PIK3CA: variants seen among roughly 807,000 people sequenced by gnomAD.
The protein encoded by PIK3CA is phosphatidylinositol 4,5-bisphosphate 3-kinase catalytic subunit alpha isoform.
In PIK3CA, 27 loss-of-function variants were observed where a neutral mutation model predicts 138.2. That is an observed-to-expected ratio of 0.20 (90% CI 0.14 to 0.27). The LOEUF (loss-of-function observed/expected upper bound fraction) is 0.27. Ranked by LOEUF, PIK3CA falls within the 10% of genes least tolerant of loss-of-function variation. PIK3CA has a pLI of 1.00. For synonymous variants in PIK3CA, 358 were observed against 413.2 expected (o/e 0.87, Z 1.62); for missense variants, 544 against 1,277.4 (o/e 0.43, Z 8.75).
rs760703918 is a variant in PIK3CA at position 179,219,321 on chromosome 3, G to T, written c.1746+44G>T. On this transcript the variant is annotated intron_variant, in intron 11 of 20. Coordinates refer to ENST00000263967, the MANE Select transcript of PIK3CA (RefSeq NM_006218.4). The surrounding 1 kb of genome is among the most constrained non-coding windows in gnomAD (Gnocchi z 4.2). ...TTACTAGATAACTGTTGTACAAATT[G>T]GTATGTCACTTAAATTGTTTTCTCT... 6.2e-6 allele frequency: 7 copies of T among 1,123,326 alleles called. No individual in the cohort carries two copies. 69.6% of individuals were successfully genotyped at this position (1,123,326 alleles called of 1,614,324 possible). A position where few individuals can be genotyped will look rare whatever the true frequency, so the allele number is the denominator to read the frequency against.
In PIK3CA at chr3:179,238,357, A is replaced by C. The variant is rs116128156; in HGVS notation, c.*3993A>C. 1,331 of 215,136 alleles carry C rather than the reference A, an allele frequency of 6.2e-3. 30 individuals carry two copies. The South Asian group carries it at 0.064, about 10-fold the overall frequency. 13.3% of individuals were successfully genotyped at this position (215,136 alleles called of 1,614,324 possible). On this transcript the variant is annotated 3_prime_UTR_variant, in exon 21 of 21. Coordinates refer to ENST00000263967, the MANE Select transcript of PIK3CA (RefSeq NM_006218.4). ...TACATTAAAAATTGTAAATATATCT[A>C]TGTGCCATGGCCTGGGAAGCCTGCT... is the stretch of plus-strand genomic sequence containing the variant.
At chr3:179,187,058 A>T (rs1280487405) in intron 1 of PIK3CA, among the ~76,000 whole-genome samples, 1 of 151,986 alleles carries the variant, frequency 6.6e-6, no homozygotes, top group Non-Finnish European at 1.5e-5. Context: ...TCCTAATTTA[A>T]AAAATTACCC....
chr3:179,175,088 T>A (rs1723662600), intron 1 of PIK3CA, among the ~76,000 whole-genome samples: 1 of 152,208 alleles, frequency 6.6e-6, no homozygotes, highest in African/African-American at 2.4e-5. Flanking sequence ...CTACACCTGC[T>A]TCCTGTGTTG....
At chr3:179,163,005 C>T (rs938945641) in intron 1 of PIK3CA, among the ~76,000 whole-genome samples, 3 of 151,914 alleles carry the variant, frequency 2.0e-5, no homozygotes, top group African/African-American at 7.3e-5. Context: ...ATATACAATA[C>T]AATTAGAGTA....
chr3:179,179,970 C>G (rs1723800560), intron 1 of PIK3CA, among the ~76,000 whole-genome samples: 2 of 151,112 alleles, frequency 1.3e-5, no homozygotes, highest in East Asian at 1.9e-4. Flanking sequence ...AGCATATTTA[C>G]AAAGGCAAAA....
chr3:179,175,961 GCT>G (rs1248779958), intron 1 of PIK3CA, among the ~76,000 whole-genome samples: 1 of 152,112 alleles, frequency 6.6e-6, no homozygotes, highest in African/African-American at 2.4e-5. Flanking sequence ...TGAAGTCAGA[GCT>G]CTTGTCTATT....
chr3:179,211,335 G>T (rs1307678787), intron 9 of PIK3CA, among the ~76,000 whole-genome samples: 1 of 152,128 alleles, frequency 6.6e-6, no homozygotes, highest in Non-Finnish European at 1.5e-5. Flanking sequence ...GCCACCTCCT[G>T]TTGCTATTGT....
chr3:179,153,788 C>T (rs1157867669), intron 1 of PIK3CA, among the ~76,000 whole-genome samples: 3 of 147,922 alleles, frequency 2.0e-5, no homozygotes, highest in African/African-American at 5.1e-5. Context: ...GTAACTTATT[C>T]GAAAGAAATA....
chr3:179,194,186 CAT>C, intron 1 of PIK3CA, among the ~76,000 whole-genome samples: 1 of 152,246 alleles, frequency 6.6e-6, no homozygotes, highest in East Asian at 1.9e-4. Flanking sequence ...TTAAAAGCAT[CAT>C]GTCATTTTTA....
At chr3:179,184,950 C>G (rs1420972131) in intron 1 of PIK3CA, among the ~76,000 whole-genome samples, 1 of 152,168 alleles carries the variant, frequency 6.6e-6, no homozygotes, top group Non-Finnish European at 1.5e-5. Context: ...AGGGATAGTA[C>G]TTGAATACAA....
chr3:179,224,879 A>G (rs1334870897), intron 16 of PIK3CA, 58 bp downstream of exon 16: 1 of 1,270,072 alleles, frequency 7.9e-7, no homozygotes, highest in Admixed American at 1.9e-5. Flanking sequence ...TTTTATACAC[A>G]GGATATTTAT....
At chr3:179,179,265 A>C (rs573193181) in intron 1 of PIK3CA, among the ~76,000 whole-genome samples, 2 of 152,384 alleles carry the variant, frequency 1.3e-5, no homozygotes, top group African/African-American at 4.8e-5. Flanking sequence ...AAATTGTATA[A>C]ACAAGCTGTA....
intron 1 of PIK3CA, among the ~76,000 whole-genome samples, chr3:179,180,157 A>G (rs1723805645): frequency 6.6e-6 from 1 of 152,170 alleles, no homozygotes; most frequent in Non-Finnish European, 1.5e-5. Flanking sequence ...GTTTTTAGAT[A>G]GCCAATTCTA....
intron 6 of PIK3CA, among the ~76,000 whole-genome samples, chr3:179,205,434 A>T (rs1235957555): frequency 6.6e-6 from 1 of 152,162 alleles, no homozygotes; most frequent in Admixed American, 6.5e-5. Context: ...CATTCCCCAC[A>T]TTAGATTAAA....
chr3:179,199,970 T>C (rs1027743113), intron 3 of PIK3CA, 71 bp downstream of exon 3: 2 of 956,950 alleles, frequency 2.1e-6, no homozygotes, highest in Non-Finnish European at 3.1e-6. Context: ...TATCTTTGTA[T>C]AGTCTTTTTT....
At chr3:179,182,592 G>A (rs1351928677) in intron 1 of PIK3CA, among the ~76,000 whole-genome samples, 4 of 152,120 alleles carry the variant, frequency 2.6e-5, no homozygotes, top group Non-Finnish European at 5.9e-5. Context: ...AGAATTGCTT[G>A]AGCCTGGGGT....
At chr3:179,193,525 C>T (rs1404794875) in intron 1 of PIK3CA, among the ~76,000 whole-genome samples, 3 of 152,188 alleles carry the variant, frequency 2.0e-5, no homozygotes, top group Non-Finnish European at 4.4e-5. Context: ...AAGTCTCCAC[C>T]AAATTTCTCA....
intron 4 of PIK3CA, among the ~76,000 whole-genome samples, chr3:179,203,329 A>G (rs902725645): frequency 2.6e-5 from 4 of 152,144 alleles, no homozygotes; most frequent in African/African-American, 9.7e-5. Context: ...TCTTTCGTGC[A>G]ATTTATATTC....
In PIK3CA at chr3:179,235,992, CAAT is replaced by C; in HGVS notation, c.*1632_*1634del. Reference sequence around the variant, plus strand: ...GTCCAGGTGCCACATCAAAAAAGTGCAATAATTATTGACAGTTTTTTAGATTAG... The same window carrying C: ...GTCCAGGTGCCACATCAAAAAAGTGCAATTATTGACAGTTTTTTAGATTAG... On this transcript the variant is annotated 3_prime_UTR_variant, in exon 21 of 21. Transcript: ENST00000263967. The C allele has an allele frequency of 4.8e-6, 1 of 208,568 alleles. No homozygotes were observed. Among genetic ancestry groups the C allele is most frequent in the African/African-American group, 2.3e-5 (1 of 44,058 alleles). The allele number at this position is 208,568 out of a possible 1,614,324, so 12.9% of individuals were successfully genotyped here.
Sources: gnomAD v4.1 joint callset for allele counts (sites outside exome capture counted in the v4.1 genomes callset) on GRCh38, gnomAD v4.1.1 for gene constraint, Gnocchi (gnomAD v3.1) non-coding constraint, MANE v1.5 for transcripts, NCBI Gene and HGNC (gene_info 2026-07-23, HGNC 2026-07-21) for gene names.